Variants in ETNK1 observed in about 807,000 individuals in gnomAD.
ETNK1 encodes ethanolamine kinase 1.
Under a neutral mutation model 45.1 loss-of-function variants are expected in ETNK1, and 8 were observed. That is an observed-to-expected ratio of 0.18 (90% CI 0.10 to 0.32). ETNK1 has a LOEUF of 0.32. ETNK1 is among the 10% of genes least tolerant of loss of function. The probability of loss-of-function intolerance (pLI) is 1.00; values close to 1 mark genes in which losing one functional copy is unlikely to be tolerated. For synonymous variants in ETNK1, 152 were observed against 151.9 expected, an observed-to-expected ratio of 1.00 and a Z score of -0.01; for missense variants, 302 against 430.6, an observed-to-expected ratio of 0.70 and a Z score of 2.64.
Position 22,625,300 on chromosome 12 carries a change from C to T in ETNK1, c.-131C>T, listed in dbSNP as rs767555547. ...AGACGTTCTCCTGCCGCTCGCCCGC[C>T]CGTCCCAGCGCCCCCAGCCCTCCCG... On this transcript the variant is annotated 5_prime_UTR_variant, in exon 1 of 8. Coordinates refer to ENST00000266517, the MANE Select transcript of ETNK1 (RefSeq NM_018638.5). The T allele has an allele frequency of 1.3e-5, 21 of 1,606,508 alleles. No homozygotes were observed. In the African/African-American group the frequency reaches 2.8e-4, roughly 21 times the overall value.
At chr12:22,635,569 G>A (rs945724479) in intron 1 of ETNK1, among the ~76,000 whole-genome samples, 1 of 152,190 alleles carries the variant, frequency 6.6e-6, no homozygotes, top group African/African-American at 2.4e-5. Context: ...CCACTTGCTT[G>A]ACAATATGTG....
chr12:22,668,377 G>A (rs902244594), intron 4 of ETNK1, among the ~76,000 whole-genome samples: 2 of 152,176 alleles, frequency 1.3e-5, no homozygotes, highest in Admixed American at 6.5e-5. Context: ...TGTTAGGAAA[G>A]CATTTTCCAG....
At chr12:22,638,621 A>C (rs1345952302) in intron 1 of ETNK1, 1 of 152,092 alleles carries the variant, frequency 6.6e-6, no homozygotes, top group African/African-American at 2.4e-5. Flanking sequence ...CTTGTGCTAT[A>C]TTATATTATA....
chr12:22,679,997 C>T (rs1450594768), intron 6 of ETNK1, among the ~76,000 whole-genome samples: 1 of 141,762 alleles, frequency 7.1e-6, no homozygotes, highest in Non-Finnish European at 1.6e-5. Context: ...TGGCCATATT[C>T]TTGAAGGGTG....
intron 4 of ETNK1, among the ~76,000 whole-genome samples, chr12:22,663,977 G>A (rs1303336381): frequency 2.0e-5 from 3 of 151,698 alleles, no homozygotes; most frequent in Non-Finnish European, 4.4e-5. Context: ...TAAGAAATAT[G>A]GTTAGAATGT....
Position 22,625,596 on chromosome 12 carries a change from A to G in ETNK1, c.156+10A>G. 1 of 1,570,906 alleles carries G rather than the reference A, an allele frequency of 6.4e-7. No homozygotes were observed. The highest frequency in any genetic ancestry group is 8.6e-7 in the Non-Finnish European group (1 of 1,159,332). ...GGAGGTGACCCTGCAGGTAACGCCC[A>G]CACCTCAGCTCTGGGTCTCTTATGC... On this transcript the variant is annotated intron_variant, in intron 1 of 7. Coordinates refer to ENST00000266517, the MANE Select transcript of ETNK1 (RefSeq NM_018638.5).
chr12:22,673,738 A>T, intron 6 of ETNK1, 78 bp downstream of exon 6: 2 of 1,360,746 alleles, frequency 1.5e-6, no homozygotes, highest in East Asian at 2.3e-5. Flanking sequence ...CATCTTAGAC[A>T]ATTTCCTATT....
At chr12:22,666,482 A>G (rs1282296211) in intron 4 of ETNK1, among the ~76,000 whole-genome samples, 8 of 152,302 alleles carry the variant, frequency 5.3e-5, no homozygotes, top group African/African-American at 1.7e-4. Flanking sequence ...TCATTTAACT[A>G]CTGACATCAA....
At chr12:22,630,057 A>T (rs1161177322) in intron 1 of ETNK1, among the ~76,000 whole-genome samples, 1 of 152,342 alleles carries the variant, frequency 6.6e-6, no homozygotes, top group South Asian at 2.1e-4. Flanking sequence ...TGTAACTTGG[A>T]CTACACAAAC....
chr12:22,667,955 A>G (rs1263891908), intron 4 of ETNK1, among the ~76,000 whole-genome samples: 1 of 152,246 alleles, frequency 6.6e-6, no homozygotes, highest in Non-Finnish European at 1.5e-5. Context: ...AAATAAAGTA[A>G]TAAAAGACAA....
intron 6 of ETNK1, among the ~76,000 whole-genome samples, chr12:22,676,910 C>G (rs999188688): frequency 7.3e-5 from 11 of 151,676 alleles, no homozygotes; most frequent in African/African-American, 2.2e-4. Flanking sequence ...GGATATTAGC[C>G]CTTTGTCACA....
intron 4 of ETNK1, among the ~76,000 whole-genome samples, chr12:22,665,743 T>C (rs1025867396): frequency 1.2e-4 from 18 of 152,244 alleles, no homozygotes; most frequent in African/African-American, 3.9e-4. Context: ...GTATTATGTT[T>C]ATAGCATTTG....
At chr12:22,675,174 T>G (rs1244188619) in intron 6 of ETNK1, among the ~76,000 whole-genome samples, 2 of 152,138 alleles carry the variant, frequency 1.3e-5, no homozygotes, top group African/African-American at 4.8e-5. Flanking sequence ...GCTTAAGCAG[T>G]CCTCCCACTT....
chr12:22,658,782 A>T (rs1423608891), intron 2 of ETNK1, among the ~76,000 whole-genome samples: 6 of 152,172 alleles, frequency 3.9e-5, no homozygotes, highest in African/African-American at 1.4e-4. Flanking sequence ...AGAGTAATTA[A>T]TTTGGGGAAT....
intron 1 of ETNK1, among the ~76,000 whole-genome samples, chr12:22,637,862 C>T (rs1357480332): frequency 2.7e-5 from 4 of 150,808 alleles, no homozygotes; most frequent in African/African-American, 7.3e-5. Flanking sequence ...AGTGACAGAG[C>T]GAGAGAGAGA....
chr12:22,659,268 T>C (rs900833998), intron 3 of ETNK1, 114 bp downstream of exon 3: 4 of 1,039,400 alleles, frequency 3.8e-6, no homozygotes, highest in Non-Finnish European at 4.1e-6. Context: ...TTCTTTGCAT[T>C]GAAGTAAAGT....
chr12:22,672,194 T>A (rs1954115835), intron 5 of ETNK1, among the ~76,000 whole-genome samples: 2 of 152,110 alleles, frequency 1.3e-5, no homozygotes, highest in Non-Finnish European at 2.9e-5. Flanking sequence ...TATTAATTTA[T>A]AATTACTTAA....
chr12:22,668,293 G>C (rs1954074372), intron 4 of ETNK1, among the ~76,000 whole-genome samples: 1 of 152,144 alleles, frequency 6.6e-6, no homozygotes, highest in African/African-American at 2.4e-5. Flanking sequence ...TGCTGATGTG[G>C]ATATTCGTTT....
Position 22,688,056 on chromosome 12 carries a change from T to C in ETNK1, c.*3102T>C, listed in dbSNP as rs1167825075. On this transcript the variant is annotated 3_prime_UTR_variant, in exon 8 of 8. Transcript: ENST00000266517. The stretch of plus-strand genomic sequence containing the variant: ...GTGAATTTATACACTGTTATATTAA[T>C]AGAGCTCCGTTCTTTGAGTCATGAT... The C allele has an allele frequency of 6.6e-6, 1 of 152,228 alleles. No homozygotes were observed. Among genetic ancestry groups the C allele is most frequent in the Non-Finnish European group, 1.5e-5 (1 of 67,782 alleles). The allele number at this position is 152,228 out of a possible 1,614,324, so 9.4% of individuals were successfully genotyped here.
Sources: gnomAD v4.1 joint callset for allele counts (sites outside exome capture counted in the v4.1 genomes callset) on GRCh38, gnomAD v4.1.1 for gene constraint, MANE v1.5 for transcripts, NCBI Gene and HGNC (gene_info 2026-07-23, HGNC 2026-07-21) for gene names.